Variants in AK6 observed in about 807,000 individuals in gnomAD.
AK6 encodes adenylate kinase isoenzyme 6.
A neutral mutation model predicts 23.7 loss-of-function variants in AK6; 24 were observed. The ratio of observed to expected loss-of-function variants is 1.01; its 90% CI spans 0.73 to 1.43. The LOEUF (loss-of-function observed/expected upper bound fraction) is 1.43. Among genes scored for constraint, AK6 ranks in the 40% most tolerant of loss-of-function variants. The probability of loss-of-function intolerance (pLI) is 0.00; values close to 1 mark genes in which losing one functional copy is unlikely to be tolerated. For synonymous variants in AK6, 73 were observed against 69.8 expected, an observed-to-expected ratio of 1.05 and a Z score of -0.23; for missense variants, 191 against 199.1, an observed-to-expected ratio of 0.96 and a Z score of 0.24.
At position 69,352,165 on chromosome 5, in the gene AK6, C is replaced by G. The variant is rs190151255; in HGVS notation, c.415G>C (p.Glu139Gln). ...TTACTGGGCAGCTGATGCACGATTT[C>G]TTCCTTGTAGGATGCTGTGGCTTCT... Reference protein sequence around the residue: ...YEEATASYKEEIVHQLPSNKP... With the variant: ...YEEATASYKEQIVHQLPSNKP... Residue 139 changes from glutamate (E) to glutamine (Q), a missense_variant, in exon 5 of 5, where the codon GAA (glutamate) becomes CAA (glutamine). Coordinates refer to ENST00000380822, the MANE Select transcript of AK6 (RefSeq NM_016283.5). 882 of 1,613,890 alleles carry G rather than the reference C, an allele frequency of 5.5e-4. 3 individuals are homozygous for G. The highest frequency in any genetic ancestry group is 8.0e-4 in the Admixed American group (48 of 59,994).
chr5:69,359,790 A>T (rs1320433566), intron 2 of AK6, among the ~76,000 whole-genome samples: 1 of 152,236 alleles, frequency 6.6e-6, no homozygotes, highest in East Asian at 1.9e-4. Context: ...CAACTCAACA[A>T]GAAGCTGATA....
At chr5:69,368,728 T>C (rs903373940) in intron 1 of AK6, 5 of 152,186 alleles carry the variant, frequency 3.3e-5, no homozygotes, top group African/African-American at 1.2e-4. Flanking sequence ...ACGAATGGCC[T>C]ACAATTTGAT....
Position 69,355,908 on chromosome 5 carries a change from A to G in AK6, c.167T>C (p.Leu56Ser), listed in dbSNP as rs965322828. ...GYDEEYDCPI[L>S]DEDRVVDELD... is the part of the protein sequence containing the mutation. ...AGTCATACTTACTCTGTCTTCATCT[A>G]AAATGGGACAGTCATACTCTTCATC... Residue 56 changes from leucine (L) to serine (S), a missense_variant, in exon 3 of 5, where the codon TTA becomes TCA. Coordinates refer to ENST00000380822, the MANE Select transcript of AK6 (RefSeq NM_016283.5). 7 of 1,610,080 alleles carry G rather than the reference A, an allele frequency of 4.3e-6. No homozygotes were observed. In the African/African-American group the frequency reaches 6.7e-5, roughly 15 times the overall value.
chr5:69,369,656 C>T (rs1172422658), upstream of AK6: 13 of 1,559,924 alleles, frequency 8.3e-6, no homozygotes, highest in South Asian at 2.3e-5. Context: ...CCACTGGTTA[C>T]CTGGCTTTCG....
At chr5:69,355,537 A>G (rs1204451493) in intron 4 of AK6, 112 bp downstream of exon 4, 5 of 1,242,576 alleles carry the variant, frequency 4.0e-6, no homozygotes, top group Non-Finnish European at 4.4e-6. Context: ...TCAAAAAAAC[A>G]AAACAAAACA....
intron 2 of AK6, among the ~76,000 whole-genome samples, chr5:69,361,790 G>C (rs1452765156): frequency 6.6e-6 from 1 of 151,718 alleles, no homozygotes; most frequent in Non-Finnish European, 1.5e-5. Flanking sequence ...ATTTTTAGTA[G>C]AGATGGGGTT....
At chr5:69,364,667 C>G in intron 2 of AK6, 1 of 530,264 alleles carries the variant, frequency 1.9e-6, no homozygotes. Context: ...ATTGCTGCAA[C>G]TGCCAACTGT....
intron 2 of AK6, chr5:69,364,925 A>G (rs771317193): frequency 6.3e-7 from 1 of 1,591,362 alleles, no homozygotes; most frequent in Non-Finnish European, 8.6e-7. Flanking sequence ...TATACATGTT[A>G]CATTCAGCAA....
chr5:69,369,201 G>T, intron 1 of AK6: 1 of 490,218 alleles, frequency 2.0e-6, no homozygotes, highest in South Asian at 3.2e-5. Context: ...CCAAGCTGGA[G>T]AGCTGGATCT....
intron 2 of AK6, chr5:69,365,387 A>T: frequency 1.2e-6 from 2 of 1,614,244 alleles, no homozygotes; most frequent in Non-Finnish European, 1.7e-6. Flanking sequence ...AGTATCTATC[A>T]GGTGGCAACC....
At chr5:69,354,989 G>A (rs562079551) in intron 4 of AK6, among the ~76,000 whole-genome samples, 4 of 151,926 alleles carry the variant, frequency 2.6e-5, no homozygotes, top group East Asian at 1.9e-4. Context: ...CACCATGCCC[G>A]GCTAATTTTT....
At chr5:69,361,605 ATTTT>A (rs111389621) in intron 2 of AK6, among the ~76,000 whole-genome samples, 1 of 133,348 alleles carries the variant, frequency 7.5e-6, no homozygotes, top group Non-Finnish European at 1.6e-5. Context: ...CGCCGGACTG[ATTTT>A]TTTTTTTTTT....
chr5:69,367,326 C>T (rs1462409836), intron 1 of AK6, among the ~76,000 whole-genome samples: 1 of 151,632 alleles, frequency 6.6e-6, no homozygotes, highest in Non-Finnish European at 1.5e-5. Flanking sequence ...TCCTGGCCAA[C>T]ATAGTGAAAC....
Position 69,366,511 on chromosome 5 carries a change from G to C in AK6, c.113C>G (p.Ala38Gly). ...GLKYINVGDL[A>G]REEQLYDGYD... Reference sequence around the variant, plus strand: ...ACCAAAGTGTCCCTTACCTTCTCGAGCTAAATCACCCACATTAATGTATTT... The same window carrying C: ...ACCAAAGTGTCCCTTACCTTCTCGACCTAAATCACCCACATTAATGTATTT... The change falls in exon 2 of 5, where the codon GCT becomes GGT. Residue 38 changes from alanine (A) to glycine (G), a missense_variant. Physicochemically the swap from Ala to Gly is moderately conservative, Grantham distance 60 (BLOSUM62 0). Coordinates refer to ENST00000380822, the MANE Select transcript of AK6 (RefSeq NM_016283.5). 2 of 1,612,960 alleles carry C rather than the reference G, an allele frequency of 1.2e-6. No individual in the cohort carries two copies. The highest frequency in any genetic ancestry group is 1.7e-6 in the Non-Finnish European group (2 of 1,179,578).
rs763898444 is a variant in AK6, at chr5:69,364,957, A to AGTC, written c.121+1543_121+1545dup. 5 of 1,611,020 alleles carry AGTC rather than the reference A, an allele frequency of 3.1e-6. No individual in the cohort carries two copies. In the South Asian group the frequency reaches 4.4e-5, roughly 14 times the overall value. On this transcript the variant is annotated intron_variant, in intron 2 of 4. Coordinates refer to ENST00000380822, the MANE Select transcript of AK6 (RefSeq NM_016283.5). Reference sequence around the variant, plus strand: ...GCAAGGCTAGATTACAGATTATCATAGTCATCATCATCATCATCGTCATCA... The same window carrying AGTC: ...GCAAGGCTAGATTACAGATTATCATAGTCGTCATCATCATCATCATCGTCATCA...
chr5:69,366,310 G>A (rs1762422433), intron 2 of AK6, among the ~76,000 whole-genome samples, 193 bp downstream of exon 2: 2 of 152,166 alleles, frequency 1.3e-5, no homozygotes, highest in South Asian at 4.1e-4. Context: ...TTTGAAGGCG[G>A]AAGGGAAAAT....
chr5:69,361,119 A>G (rs1762222107), intron 2 of AK6, among the ~76,000 whole-genome samples: 1 of 152,200 alleles, frequency 6.6e-6, no homozygotes, highest in Admixed American at 6.5e-5. Context: ...CTGGAAGAAT[A>G]GCAATAAGAG....
intron 1 of AK6, chr5:69,368,778 T>TA (rs1762655870): frequency 6.6e-6 from 1 of 152,206 alleles, no homozygotes; most frequent in African/African-American, 2.4e-5. Flanking sequence ...AAATATTCGT[T>TA]AAAGTCGTTA....
At chr5:69,357,706 A>G (rs184225294) in intron 2 of AK6, among the ~76,000 whole-genome samples, 8 of 152,340 alleles carry the variant, frequency 5.3e-5, no homozygotes, top group Admixed American at 2.6e-4. Flanking sequence ...AAAGAGATGC[A>G]AATTAAAATG....
Sources: allele counts gnomAD v4.1 joint callset (sites outside exome capture counted in the v4.1 genomes callset), GRCh38; gene constraint gnomAD v4.1.1; transcripts MANE v1.5; gene names NCBI Gene and HGNC (gene_info 2026-07-23, HGNC 2026-07-21).